The following LYST variants were observed in gnomAD, a reference collection of about 807,000 sequenced individuals.
LYST encodes the protein lysosomal-trafficking regulator.
A neutral mutation model predicts 413.6 loss-of-function variants in LYST; 192 were observed. The ratio of observed to expected loss-of-function variants is 0.46; its 90% CI spans 0.41 to 0.52. The LOEUF is 0.52. LYST is among the 20% of genes least tolerant of loss of function. LYST has a pLI of 0.00. For missense variants in LYST, 3,815 were observed against 4,499.9 expected, an observed-to-expected ratio of 0.85 and a Z score of 4.35; for synonymous variants, 1,525 against 1,567.3, an observed-to-expected ratio of 0.97 and a Z score of 0.64.
Position 235,686,914 on chromosome 1 carries a change from G to T in LYST, c.10800+35C>A. ...AGGCTTTCTTCCCCTCATTGACAAA[G>T]TCCCATACTACCCACACAGAAGCCC... On this transcript the variant is annotated intron_variant, in intron 48 of 52. Transcript: ENST00000389793. This position sits in a 1 kb window ranked among gnomAD's most constrained non-coding sequence, Gnocchi z 4.0. 6.8e-7 allele frequency: 1 copy of T among 1,476,772 alleles called. No homozygotes were observed. The highest frequency in any genetic ancestry group is 9.5e-7 in the Non-Finnish European group (1 of 1,054,774). The allele number at this position is 1,476,772 out of a possible 1,614,324, so 91.5% of individuals were successfully genotyped here. A position where few individuals can be genotyped will look rare whatever the true frequency, so the allele number is the denominator to read the frequency against.
At chr1:235,717,190 G>A (rs1035078039) in intron 40 of LYST, among the ~76,000 whole-genome samples, 32 of 152,166 alleles carry the variant, frequency 2.1e-4, no homozygotes, top group African/African-American at 7.2e-4. Flanking sequence ...GGGCAGTTTC[G>A]ACAGAACTTA....
At position 235,686,991 on chromosome 1, in the gene LYST, G is replaced by A. The variant is rs145136281; in HGVS notation, c.10758C>T (p.Cys3586=). 3.4e-5 allele frequency: 55 copies of A among 1,613,856 alleles called. No individual in the cohort carries two copies. Among genetic ancestry groups the A allele is most frequent in the Admixed American group, 1.8e-4 (11 of 59,996 alleles). ...TGTTTGTGTAGGCTGTGATGACACC[G>A]CATTTGCTTCCAGTAAACAGCTGGC... ...DSCQLFTGSK[C]GVITAYTNRF... The change falls in exon 48 of 53, where the codon TGC becomes TGT. Residue 3586 remains cysteine, a synonymous_variant. Transcript: ENST00000389793. This position sits in a 1 kb window ranked among gnomAD's most constrained non-coding sequence, Gnocchi z 4.0.
In LYST at chr1:235,880,055, T is replaced by C. The variant is rs1395545402; in HGVS notation, n.454+3132A>G. On this transcript the variant is annotated intron_variant and non_coding_transcript_variant, in intron 1 of 11. Coordinates refer to the LYST transcript ENST00000465349. ...CCCAGACTGAGAATGGATCTAAGTTTCTCAGAAGAGTGAACTCTTGTCTCG... is the reference window on the plus strand; with the variant it reads ...CCCAGACTGAGAATGGATCTAAGTTCCTCAGAAGAGTGAACTCTTGTCTCG... Among the ~76,000 whole-genome samples the C allele has an allele frequency of 2.0e-5, 3 of 152,198 alleles. No homozygotes were observed. The East Asian group carries it at 5.8e-4, about 29-fold the overall frequency.
intron 52 of LYST, 83 bp from the exon 53 acceptor site, chr1:235,663,161 G>A: frequency 1.0e-6 from 1 of 958,256 alleles, no homozygotes; most frequent in Non-Finnish European, 1.7e-6. Flanking sequence ...TGAGGTTAGT[G>A]TAAAGAAGTT....
intron 15 of LYST, 145 bp downstream of exon 15, chr1:235,781,782 G>C: frequency 3.0e-6 from 2 of 656,338 alleles, no homozygotes; most frequent in Non-Finnish European, 5.5e-6. Context: ...ACAAGTAAAG[G>C]AACATAGATG....
intron 31 of LYST, among the ~76,000 whole-genome samples, chr1:235,740,858 T>C (rs1177416467): frequency 1.3e-5 from 2 of 152,206 alleles, no homozygotes; most frequent in Admixed American, 1.3e-4. Flanking sequence ...TAAATATATG[T>C]TTAATTTTTT....
rs1328642726 is a variant in LYST at position 235,800,919 on chromosome 1, C to A, written c.3891G>T (p.Leu1297Phe). 2 of 1,613,696 alleles carry A rather than the reference C, an allele frequency of 1.2e-6. No homozygotes were observed. The highest frequency in any genetic ancestry group is 1.7e-5 in the Admixed American group (1 of 60,004). The change falls in exon 9 of 53, where the codon TTG (leucine) becomes TTT (phenylalanine). Residue 1297 changes from leucine (L) to phenylalanine (F), a missense_variant. Physicochemically the swap from Leu to Phe is conservative, Grantham distance 22. Coordinates refer to ENST00000389793, the MANE Select transcript of LYST (RefSeq NM_000081.4). Reference protein sequence around the residue: ...DVLAHVFESFLKIIRQKEKNV... With the variant: ...DVLAHVFESFFKIIRQKEKNV... ...TCTTTTCTTTCTGCCTAATAATTTT[C>A]AAAAAACTCTCAAATACATGGGCAA...
In LYST at chr1:235,793,591, T is replaced by C; in HGVS notation, c.4028A>G (p.Asp1343Gly). ...DFQACQRVLV[D>G]LLVSLMSSRT... is the part of the protein sequence containing the mutation. ...TGAACTCATCAAAGATACCAAAAGA[T>C]CCACCAATACTCTCTGGCATGCTAA... The change falls in exon 11 of 53, where the codon GAT becomes GGT. Residue 1343 changes from aspartate (D) to glycine (G), a missense_variant. Coordinates refer to ENST00000389793, the MANE Select transcript of LYST (RefSeq NM_000081.4). 1 of 1,589,838 alleles carries C rather than the reference T, an allele frequency of 6.3e-7. No homozygotes were observed. The highest frequency in any genetic ancestry group is 1.1e-5 in the South Asian group (1 of 89,716).
At chr1:235,691,100 A>C (rs1660612968) in intron 47 of LYST, among the ~76,000 whole-genome samples, 2 of 151,964 alleles carry the variant, frequency 1.3e-5, no homozygotes, top group African/African-American at 2.4e-5. Context: ...TTGTATTTTT[A>C]GTAGAGACGG....
rs369298978 is a variant in LYST at position 235,693,339 on chromosome 1, A to G, written c.10701+11T>C. The stretch of plus-strand genomic sequence containing the variant: ...TAAAAATAAATAAATAAAATAAAAT[A>G]AAGTGTTTACCTGGTACTGTTGTGA... On this transcript the variant is annotated intron_variant, in intron 47 of 52. Transcript: ENST00000389793. 6.3e-7 allele frequency: 1 copy of G among 1,579,506 alleles called. No homozygotes were observed. Among genetic ancestry groups the G allele is most frequent in the East Asian group, 2.2e-5 (1 of 44,770 alleles).
intron 1 of LYST, among the ~76,000 whole-genome samples, chr1:235,836,565 G>A (rs1558320554): frequency 1.3e-5 from 2 of 152,122 alleles, no homozygotes; most frequent in Non-Finnish European, 2.9e-5. Flanking sequence ...TGGATGTACG[G>A]GATATTGAGT....
In LYST at chr1:235,674,439, G is replaced by C. The variant is rs1273524914; in HGVS notation, c.11038+2652C>G. Among the ~76,000 whole-genome samples the C allele has an allele frequency of 6.6e-6, 1 of 150,748 alleles. No individual in the cohort carries two copies. The highest frequency in any genetic ancestry group is 1.5e-5 in the Non-Finnish European group (1 of 67,826). On this transcript the variant is annotated intron_variant, in intron 50 of 52. Transcript: ENST00000389793. The surrounding 1 kb of genome is among the most constrained non-coding windows in gnomAD (Gnocchi z 4.1). Reference sequence around the variant, plus strand: ...AAAAAGTGTCCCCCTCGGGTCTTTTGATCGTCACATATATATAAATGCTAT... The same window carrying C: ...AAAAAGTGTCCCCCTCGGGTCTTTTCATCGTCACATATATATAAATGCTAT...
At chr1:235,689,967 G>A (rs1660524202) in intron 47 of LYST, among the ~76,000 whole-genome samples, 1 of 152,156 alleles carries the variant, frequency 6.6e-6, no homozygotes. Context: ...CATCTTTAAA[G>A]TTATTTGTTC....
Position 235,856,984 on chromosome 1 carries a change from C to T in LYST, c.-98+9859G>A, listed in dbSNP as rs537262170. On this transcript the variant is annotated intron_variant, in intron 1 of 52. Transcript: ENST00000389793. The stretch of plus-strand genomic sequence containing the variant: ...TTTTGAGATGAAATCTCACTCTTGT[C>T]GCCCAGGCTGGAATGCAGTGGTGCG... Among the ~76,000 whole-genome samples the T allele has an allele frequency of 2.1e-4, 30 of 139,628 alleles. No homozygotes were observed. The Admixed American group carries it at 2.3e-3, about 11-fold the overall frequency. The allele number at this position is 139,628 out of a possible 152,430, so 91.6% of individuals were successfully genotyped here. A position where few individuals can be genotyped will look rare whatever the true frequency, so the allele number is the denominator to read the frequency against.
At chr1:235,773,317 CAA>C (rs145099272) in intron 19 of LYST, among the ~76,000 whole-genome samples, 1 of 141,094 alleles carries the variant, frequency 7.1e-6, no homozygotes, top group African/African-American at 2.6e-5. Context: ...AACTCCATTT[CAA>C]AAAAAAAACA....
At chr1:235,878,965 G>A (rs531593847) in intron 1 of LYST, among the ~76,000 whole-genome samples, 1 of 152,280 alleles carries the variant, frequency 6.6e-6, no homozygotes, top group Non-Finnish European at 1.5e-5. Flanking sequence ...GGTCTGGGCT[G>A]TTAGAGTACC....
chr1:235,704,082 G>T (rs527471028), intron 44 of LYST, among the ~76,000 whole-genome samples: 1 of 152,258 alleles, frequency 6.6e-6, no homozygotes, highest in South Asian at 2.1e-4. Context: ...CAAAGGACAT[G>T]ATCTTGTTCT....
rs762797377 is a variant in LYST at position 235,830,325 on chromosome 1, C to T, written c.93G>A (p.Glu31=). Residue 31 remains glutamate, a synonymous_variant, in exon 3 of 53, where the codon GAG becomes GAA. Transcript: ENST00000389793. The part of the protein sequence containing the change: ...NAVVQRVEAR[E]EEEEETHMAT... Reference sequence around the variant, plus strand: ...CCATGTGCGTCTCCTCCTCTTCTTCCTCCCTGGCCTCCACCCTCTGGACCA... The same window carrying T: ...CCATGTGCGTCTCCTCCTCTTCTTCTTCCCTGGCCTCCACCCTCTGGACCA... The T allele has an allele frequency of 1.2e-6, 2 of 1,613,904 alleles. No individual in the cohort carries two copies. The highest frequency in any genetic ancestry group is 4.5e-5 in the East Asian group (2 of 44,880).
intron 4 of LYST, among the ~76,000 whole-genome samples, chr1:235,812,111 T>C (rs144861708): frequency 5.9e-5 from 9 of 152,182 alleles, no homozygotes; most frequent in Non-Finnish European, 1.2e-4. Context: ...TAAAGTTTCA[T>C]GTACTTTATA....
Sources: gnomAD v4.1 joint callset for allele counts (sites outside exome capture counted in the v4.1 genomes callset) on GRCh38, gnomAD v4.1.1 for gene constraint, Gnocchi (gnomAD v3.1) non-coding constraint, MANE v1.5 for transcripts, NCBI Gene and HGNC (gene_info 2026-07-23, HGNC 2026-07-21) for gene names.